DLGAP2: variants seen among roughly 807,000 people sequenced by gnomAD.
DLGAP2 encodes the protein disks large-associated protein 2.
DLGAP2 carries 26 observed loss-of-function variants against 100.3 expected under a neutral mutation model. The observed-to-expected ratio is 0.26, with a 90% CI of 0.19 to 0.36. DLGAP2 has a LOEUF of 0.36. Ranked by LOEUF, DLGAP2 falls within the 10% of genes least tolerant of loss-of-function variation. The pLI, the probability that DLGAP2 is intolerant of heterozygous loss-of-function variation, is 1.00. For missense variants in DLGAP2, 1,858 were observed against 1,453.2 expected (o/e 1.28, Z -4.53); for synonymous variants, 886 against 630.1 (o/e 1.41, Z -6.08).
intron 3 of DLGAP2, among the ~76,000 whole-genome samples, chr8:1,272,183 A>G (rs1245972588): frequency 6.6e-6 from 1 of 152,242 alleles, no homozygotes; most frequent in East Asian, 1.9e-4. Context: ...TCACATTTTA[A>G]AAGCAATTAG....
At chr8:746,972 C>T (rs904834181) in intron 1 of DLGAP2, among the ~76,000 whole-genome samples, 28 of 152,244 alleles carry the variant, frequency 1.8e-4, no homozygotes, top group South Asian at 1.7e-3. Context: ...TGTGAGTTCT[C>T]GGGAAGACCT....
intron 3 of DLGAP2, among the ~76,000 whole-genome samples, chr8:1,463,496 C>A (rs570386604): frequency 2.0e-5 from 3 of 152,340 alleles, no homozygotes; most frequent in African/African-American, 7.2e-5. Flanking sequence ...GGTCAGGCAG[C>A]CTCGGGTATG....
At chr8:1,689,738 G>A (rs1799209356) in intron 12 of DLGAP2, among the ~76,000 whole-genome samples, 1 of 152,160 alleles carries the variant, frequency 6.6e-6, no homozygotes, top group Admixed American at 6.5e-5. Flanking sequence ...AAGGGCCCAC[G>A]CTGAAAGCCA....
intron 3 of DLGAP2, among the ~76,000 whole-genome samples, chr8:1,321,201 A>T (rs990709556): frequency 2.0e-5 from 3 of 148,346 alleles, no homozygotes; most frequent in Non-Finnish European, 3.0e-5. Context: ...GTGCACGTGC[A>T]TCCATGTGCC....
intron 2 of DLGAP2, among the ~76,000 whole-genome samples, chr8:1,136,298 C>A (rs760176740): frequency 7.5e-6 from 1 of 132,676 alleles, no homozygotes; most frequent in South Asian, 2.5e-4. Flanking sequence ...CTTCAAACCT[C>A]GTAAAAAAAA....
At chr8:1,362,053 T>A (rs1801994013) in intron 3 of DLGAP2, among the ~76,000 whole-genome samples, 5 of 152,106 alleles carry the variant, frequency 3.3e-5, no homozygotes, top group Admixed American at 3.3e-4. Flanking sequence ...GGTTAAAGTT[T>A]AGGAGAATGA....
In DLGAP2 at chr8:778,568, A is replaced by C. The variant is rs561108709; in HGVS notation, c.18+40743A>C. On this transcript the variant is annotated intron_variant, in intron 1 of 14. Transcript: ENST00000637795. ...TTTGTTAGTTTTCCTCCTAACGGACAGGACCCTCAGCTGCAGGTCTTTTGG... is the reference window on the plus strand; with the variant it reads ...TTTGTTAGTTTTCCTCCTAACGGACCGGACCCTCAGCTGCAGGTCTTTTGG... Among the ~76,000 whole-genome samples the C allele has an allele frequency of 5.3e-5, 8 of 152,328 alleles. No homozygotes were observed. In the South Asian group the frequency reaches 1.7e-3, roughly 32 times the overall value.
At chr8:1,283,844 G>A (rs1563060376) in intron 3 of DLGAP2, among the ~76,000 whole-genome samples, 1 of 152,188 alleles carries the variant, frequency 6.6e-6, no homozygotes, top group Non-Finnish European at 1.5e-5. Context: ...AAGTATGAGA[G>A]TAAACTACAT....
At chr8:1,581,020 A>G (rs1050364299) in intron 6 of DLGAP2, among the ~76,000 whole-genome samples, 1 of 150,978 alleles carries the variant, frequency 6.6e-6, no homozygotes, top group Non-Finnish European at 1.5e-5. Context: ...ACATATACAC[A>G]CACACCACAG....
At chr8:1,274,276 G>A (rs1799638576) in intron 3 of DLGAP2, among the ~76,000 whole-genome samples, 1 of 151,994 alleles carries the variant, frequency 6.6e-6, no homozygotes, top group African/African-American at 2.4e-5. Context: ...TAAGTGTACT[G>A]GAATGACGCA....
At chr8:1,351,975 C>T (rs138027226) in intron 3 of DLGAP2, among the ~76,000 whole-genome samples, 6 of 11,174 alleles carry the variant, frequency 5.4e-4, no homozygotes, top group African/African-American at 1.4e-3. Flanking sequence ...TGTGTGGAAA[C>T]GCCGTGCGGG....
At chr8:1,537,014 C>A (rs1218743643) in intron 4 of DLGAP2, among the ~76,000 whole-genome samples, 1 of 152,000 alleles carries the variant, frequency 6.6e-6, no homozygotes, top group Non-Finnish European at 1.5e-5. Context: ...ATTACGGGCC[C>A]TTCACACCTC....
chr8:1,584,523 G>A (rs572488126), intron 6 of DLGAP2, among the ~76,000 whole-genome samples: 17 of 152,276 alleles, frequency 1.1e-4, no homozygotes, highest in Middle Eastern at 3.4e-3. Flanking sequence ...TCAGCTGGAG[G>A]GAAGCGGAGG....
intron 3 of DLGAP2, among the ~76,000 whole-genome samples, chr8:1,492,963 G>T (rs1178365766): frequency 6.6e-6 from 1 of 152,166 alleles, no homozygotes; most frequent in Non-Finnish European, 1.5e-5. Flanking sequence ...CTACGCATAG[G>T]GAACAGGTAG....
chr8:1,678,231 G>T lies in DLGAP2; in HGVS notation c.2306G>T (p.Arg769Leu). 1 of 1,612,876 alleles carries T rather than the reference G, an allele frequency of 6.2e-7. No individual in the cohort carries two copies. The highest frequency in any genetic ancestry group is 8.5e-7 in the Non-Finnish European group (1 of 1,179,334). Reference protein sequence around the residue: ...EDEKRHGRFKRSNSVTAAVQA... With the variant: ...EDEKRHGRFKLSNSVTAAVQA... ...TTTTGCAGACACGGACGTTTTAAAC[G>T]TTCTAACAGCGTCACGGCCGCCGTC... The change falls in exon 12 of 15, where the codon CGT becomes CTT. Residue 769 changes from arginine (R) to leucine (L), a missense_variant. Physicochemically the swap from Arg to Leu is moderately radical, Grantham distance 102. Transcript: ENST00000637795.
intron 3 of DLGAP2, among the ~76,000 whole-genome samples, chr8:1,429,766 G>A (rs1382601783): frequency 6.6e-6 from 1 of 151,274 alleles, no homozygotes; most frequent in Non-Finnish European, 1.5e-5. Flanking sequence ...TTTACACATA[G>A]AGGATATTCA....
intron 2 of DLGAP2, among the ~76,000 whole-genome samples, chr8:999,915 T>C (rs977317900): frequency 6.6e-6 from 1 of 151,502 alleles, no homozygotes; most frequent in African/African-American, 2.4e-5. Context: ...AGCAGACAGA[T>C]CCGGGTGGAG....
At chr8:1,444,802 G>A (rs1284636822) in intron 3 of DLGAP2, among the ~76,000 whole-genome samples, 3 of 108,822 alleles carry the variant, frequency 2.8e-5, no homozygotes, top group Admixed American at 1.2e-4. Context: ...TTTTTGAGAC[G>A]TAGTTTCACT....
At chr8:1,307,996 TTAAGA>T (rs1300857565) in intron 3 of DLGAP2, among the ~76,000 whole-genome samples, 4 of 152,124 alleles carry the variant, frequency 2.6e-5, no homozygotes, top group Non-Finnish European at 4.4e-5. Context: ...CACGAAATGG[TTAAGA>T]TGAGTATTTT....
Sources: allele counts gnomAD v4.1 joint callset (sites outside exome capture counted in the v4.1 genomes callset), GRCh38; gene constraint gnomAD v4.1.1; transcripts MANE v1.5; gene names NCBI Gene and HGNC (gene_info 2026-07-23, HGNC 2026-07-21).